Variants in KALRN observed in about 807,000 individuals in gnomAD.
KALRN encodes the protein kalirin.
A neutral mutation model predicts 353.7 loss-of-function variants in KALRN; 70 were observed. The observed-to-expected ratio is 0.20, with a 90% CI of 0.16 to 0.24. The LOEUF (loss-of-function observed/expected upper bound fraction) is 0.24, where lower values mean the gene tolerates loss of function less well. Among genes scored for constraint, KALRN ranks in the 10% least tolerant of loss-of-function variants. The probability of loss-of-function intolerance (pLI) is 1.00; values close to 1 mark genes in which losing one functional copy is unlikely to be tolerated. For synonymous variants in KALRN, 1,391 were observed against 1,434.8 expected, an observed-to-expected ratio of 0.97 and a Z score of 0.69; for missense variants, 2,791 against 3,756.7, an observed-to-expected ratio of 0.74 and a Z score of 6.72.
At chr3:124,615,800 G>A (rs1305931594) in intron 34 of KALRN, among the ~76,000 whole-genome samples, 1 of 152,208 alleles carries the variant, frequency 6.6e-6, no homozygotes, top group Non-Finnish European at 1.5e-5. Flanking sequence ...GAGAACCACA[G>A]AGAGACTTTT....
At chr3:124,369,015 G>A (rs544095171) in intron 10 of KALRN, among the ~76,000 whole-genome samples, 8 of 152,062 alleles carry the variant, frequency 5.3e-5, no homozygotes, top group East Asian at 1.9e-4. Flanking sequence ...GTCCAGCTTC[G>A]GCTCCGCATG....
At chr3:124,684,171 A>T (rs1345339347) in intron 51 of KALRN, among the ~76,000 whole-genome samples, 1 of 152,026 alleles carries the variant, frequency 6.6e-6, no homozygotes, top group Non-Finnish European at 1.5e-5. Flanking sequence ...GAGCCACAGG[A>T]ACTTGTCCTT....
At chr3:124,616,532 A>G (rs1048750676) in intron 34 of KALRN, among the ~76,000 whole-genome samples, 3 of 152,188 alleles carry the variant, frequency 2.0e-5, no homozygotes, top group African/African-American at 7.2e-5. Flanking sequence ...AGCCAAGCTC[A>G]ATGAAATTTG....
rs747665988 is a variant in KALRN at position 124,462,579 on chromosome 3, A to G, written c.3977A>G (p.Asn1326Ser). 4.3e-6 allele frequency: 7 copies of G among 1,613,048 alleles called. No individual in the cohort carries two copies. The East Asian group carries it at 8.9e-5, about 21-fold the overall frequency. The change falls in exon 25 of 60, where the codon AAT becomes AGT. Residue 1326 changes from asparagine to serine, a missense_variant. Coordinates refer to ENST00000682506, the MANE Select transcript of KALRN (RefSeq NM_001388419.1). ...GAGGAGATCCCCCCTGGGATCCTCA[A>G]TAAAGAGCATATCATCTTTGGCAAC... ...GVEEIPPGIL[N>S]KEHIIFGNIQ...
At chr3:124,683,932 CATTT>C (rs1484182072) in intron 51 of KALRN, among the ~76,000 whole-genome samples, 2 of 152,272 alleles carry the variant, frequency 1.3e-5, no homozygotes, top group South Asian at 2.1e-4. Context: ...TTAACCTCTT[CATTT>C]ATTTATTTTT....
intron 6 of KALRN, among the ~76,000 whole-genome samples, chr3:124,310,078 C>T (rs1308056251): frequency 6.6e-6 from 1 of 151,322 alleles, no homozygotes; most frequent in African/African-American, 2.4e-5. Flanking sequence ...TTGCAGGATA[C>T]AAAATGAATA....
intron 3 of KALRN, among the ~76,000 whole-genome samples, chr3:124,249,122 C>A (rs1419003715): frequency 6.6e-6 from 1 of 152,228 alleles, no homozygotes; most frequent in African/African-American, 2.4e-5. Context: ...AGATTTAATT[C>A]TGTGGATACA....
chr3:124,240,715 GT>G (rs58494983), intron 3 of KALRN, among the ~76,000 whole-genome samples: 7,232 of 152,214 alleles, frequency 0.048, 749 homozygotes, highest in East Asian at 0.46. Context: ...GCACTGGGTA[GT>G]GGAGAGAAGA....
intron 9 of KALRN, among the ~76,000 whole-genome samples, chr3:124,342,075 G>A (rs2081793713): frequency 6.6e-6 from 1 of 152,066 alleles, no homozygotes; most frequent in Non-Finnish European, 1.5e-5. Flanking sequence ...GTAAGGGGCT[G>A]CTCAAAAATT....
At chr3:124,036,418 A>G (rs1047296489) in intron 1 of KALRN, among the ~76,000 whole-genome samples, 9 of 151,704 alleles carry the variant, frequency 5.9e-5, no homozygotes, top group African/African-American at 1.7e-4. Context: ...ATGGCTGCAT[A>G]GTATTCCATG....
chr3:124,661,084 C>T, intron 44 of KALRN, 111 bp downstream of exon 44: 1 of 826,518 alleles, frequency 1.2e-6, no homozygotes, highest in Non-Finnish European at 2.1e-6. Flanking sequence ...GGACCCCTCT[C>T]AGACAGTAAG....
intron 34 of KALRN, among the ~76,000 whole-genome samples, chr3:124,583,812 C>T (rs561358040): frequency 6.6e-6 from 1 of 152,236 alleles, no homozygotes; most frequent in Admixed American, 6.5e-5. Context: ...TTCTCGGGCC[C>T]CACCTCCTAC....
intron 33 of KALRN, among the ~76,000 whole-genome samples, chr3:124,520,704 G>C (rs2067092028): frequency 6.6e-6 from 1 of 152,188 alleles, no homozygotes; most frequent in Non-Finnish European, 1.5e-5. Context: ...ATGAGGCATT[G>C]TTAAGAACCT....
rs1265751212 is a variant in KALRN, at chr3:124,671,768, C to T, written c.6812C>T (p.Pro2271Leu). The T allele has an allele frequency of 1.2e-6, 2 of 1,614,122 alleles. No homozygotes were observed. The highest frequency in any genetic ancestry group is 4.5e-5 in the East Asian group (2 of 44,888). Reference protein sequence around the residue: ...QASPRPYSSVPAGSEKPPKGS... With the variant: ...QASPRPYSSVLAGSEKPPKGS... ...AGCCCCAGGCCCTACTCCTCTGTTC[C>T]TGCGGGCTCAGAGAAGCCCCCAAAG... is the stretch of plus-strand genomic sequence containing the variant. The change falls in exon 48 of 60, where the codon CCT becomes CTT. Residue 2271 changes from proline (P) to leucine (L), a missense_variant. By Grantham distance (98) the Pro-to-Leu change is moderately conservative. Transcript: ENST00000682506.
chr3:124,190,970 A>G (rs2074837748), intron 1 of KALRN, among the ~76,000 whole-genome samples: 1 of 152,190 alleles, frequency 6.6e-6, no homozygotes, highest in African/African-American at 2.4e-5. Flanking sequence ...CCAACCAGCT[A>G]AAAATTGGGG....
chr3:124,663,193 C>T (rs1332504160), intron 45 of KALRN, among the ~76,000 whole-genome samples: 7 of 152,160 alleles, frequency 4.6e-5, no homozygotes, highest in African/African-American at 1.2e-4. Flanking sequence ...GTGATCCGCC[C>T]GCCTCGGCCT....
At chr3:124,404,914 G>A (rs188096258) in intron 13 of KALRN, among the ~76,000 whole-genome samples, 36 of 152,082 alleles carry the variant, frequency 2.4e-4, no homozygotes, top group Admixed American at 2.3e-3. Flanking sequence ...AGACTGCAAG[G>A]CCTTGCTGTT....
chr3:124,096,980 A>G (rs1416478132), intron 1 of KALRN, among the ~76,000 whole-genome samples: 2 of 152,192 alleles, frequency 1.3e-5, no homozygotes, highest in African/African-American at 2.4e-5. Context: ...GTGTATTTCT[A>G]TCTATAGGGT....
intron 14 of KALRN, among the ~76,000 whole-genome samples, chr3:124,419,343 G>A (rs190539998): frequency 2.7e-5 from 4 of 150,774 alleles, no homozygotes; most frequent in Admixed American, 6.7e-5. Flanking sequence ...TGTATACATT[G>A]TATCTCACTT....
Sources: allele counts gnomAD v4.1 joint callset (sites outside exome capture counted in the v4.1 genomes callset), GRCh38; gene constraint gnomAD v4.1.1; transcripts MANE v1.5; gene names NCBI Gene and HGNC (gene_info 2026-07-23, HGNC 2026-07-21).